The following LRRC40 variants were observed in gnomAD, a reference collection of about 807,000 sequenced individuals.
The protein encoded by LRRC40 is leucine-rich repeat-containing protein 40.
LRRC40 carries 76 observed loss-of-function variants against 72.8 expected under a neutral mutation model. The observed-to-expected ratio is 1.04, with a 90% confidence interval of 0.87 to 1.26. LRRC40 has a LOEUF of 1.26. LRRC40 is among the 50% of genes most tolerant of loss of function. LRRC40 has a pLI of 0.00. For synonymous variants in LRRC40, 243 were observed against 254.2 expected (o/e 0.96, Z 0.42); for missense variants, 684 against 698.9 (o/e 0.98, Z 0.24).
chr1:70,162,763 G>GTTAT (rs1667793289), intron 9 of LRRC40, among the ~76,000 whole-genome samples: 1 of 152,140 alleles, frequency 6.6e-6, no homozygotes, highest in African/African-American at 2.4e-5. Flanking sequence ...CTATGGCCAG[G>GTTAT]TCTATTGTAC....
intron 9 of LRRC40, among the ~76,000 whole-genome samples, chr1:70,163,515 A>T (rs1417934815): frequency 6.6e-6 from 1 of 152,082 alleles, no homozygotes; most frequent in African/African-American, 2.4e-5. Context: ...CTCACATCCT[A>T]TTACGCTGAC....
intron 11 of LRRC40, among the ~76,000 whole-genome samples, chr1:70,154,716 T>C (rs1045397192): frequency 6.6e-6 from 1 of 152,190 alleles, no homozygotes; most frequent in Admixed American, 6.5e-5. Context: ...TCATTCAACT[T>C]TCTCAATTCA....
intron 1 of LRRC40, among the ~76,000 whole-genome samples, chr1:70,197,582 C>G (rs1171630898): frequency 6.7e-6 from 1 of 150,248 alleles, no homozygotes; most frequent in Non-Finnish European, 1.5e-5. Flanking sequence ...CCTGGCCCCC[C>G]CAACCCCCGG....
chr1:70,162,455 A>G (rs558424140), intron 9 of LRRC40, among the ~76,000 whole-genome samples: 16 of 152,204 alleles, frequency 1.1e-4, no homozygotes, highest in Non-Finnish European at 2.1e-4. Flanking sequence ...CCCCAAACCT[A>G]TGAATCATGA....
At chr1:70,197,250 G>A (rs1014611638) in intron 1 of LRRC40, among the ~76,000 whole-genome samples, 20 of 150,750 alleles carry the variant, frequency 1.3e-4, no homozygotes, top group Admixed American at 6.6e-5. Context: ...ACTGGGGGGC[G>A]GCGGGGGGGA....
chr1:70,193,014 T>C lies in LRRC40; in HGVS notation c.152-3741A>G, dbSNP rs184364858. ...AATGGAATAAAACTCAATGTATCCA[T>C]TGTCTAGTTTTAATAATTATCAGCA... On this transcript the variant is annotated intron_variant, in intron 1 of 14. Transcript: ENST00000370952. Among the ~76,000 whole-genome samples, 6 of 152,190 alleles carry C rather than the reference T, an allele frequency of 3.9e-5. No individual in the cohort carries two copies. The East Asian group carries it at 9.6e-4, about 24-fold the overall frequency.
chr1:70,180,953 G>A (rs1248909199), intron 5 of LRRC40, 133 bp downstream of exon 5: 5 of 578,144 alleles, frequency 8.6e-6, no homozygotes, highest in Non-Finnish European at 1.1e-5. Context: ...AATCTGACTA[G>A]TTGCTATTGT....
intron 9 of LRRC40, among the ~76,000 whole-genome samples, chr1:70,163,090 T>G (rs1667799525): frequency 6.6e-6 from 1 of 151,418 alleles, no homozygotes; most frequent in Non-Finnish European, 1.5e-5. Context: ...TTTTTTTTTT[T>G]TTTTGAGACG....
chr1:70,187,593 A>G (rs991556313), intron 2 of LRRC40, among the ~76,000 whole-genome samples: 1 of 151,968 alleles, frequency 6.6e-6, no homozygotes, highest in East Asian at 1.9e-4. Context: ...GGGAGGCCGA[A>G]GAAGGCAAAT....
chr1:70,187,289 T>C lies in LRRC40; in HGVS notation c.383A>G (p.Glu128Gly), dbSNP rs1427880383. The C allele has an allele frequency of 6.3e-7, 1 of 1,586,326 alleles. No homozygotes were observed. Among genetic ancestry groups the C allele is most frequent in the Non-Finnish European group, 8.6e-7 (1 of 1,157,548 alleles). Residue 128 changes from glutamate (E) to glycine (G), a missense_variant, in exon 3 of 15, where the codon GAA becomes GGA. Transcript: ENST00000370952. ...CCTGACATTAAGTTTCTGAAGATTT[T>C]CTAGCTCTCTTATAGCAGAAGGAAG... ...TSLPSAIREL[E>G]NLQKLNVSHN...
chr1:70,185,056 A>T, intron 3 of LRRC40, 142 bp from the exon 4 acceptor site: 1 of 595,402 alleles, frequency 1.7e-6, no homozygotes. Context: ...CAAAATTCAT[A>T]TCCAAAAATA....
intron 1 of LRRC40, among the ~76,000 whole-genome samples, chr1:70,199,453 T>G (rs1392723583): frequency 6.6e-6 from 1 of 152,150 alleles, no homozygotes; most frequent in African/African-American, 2.4e-5. Context: ...CAATATGGGT[T>G]TGAATTGCAC....
chr1:70,173,591 T>G (rs1408662502), intron 8 of LRRC40, 31 bp downstream of exon 8: 1 of 1,504,930 alleles, frequency 6.6e-7, no homozygotes. Context: ...AATTTCAATT[T>G]AACAAAGAGC....
intron 6 of LRRC40, among the ~76,000 whole-genome samples, chr1:70,178,575 C>T (rs1668162038): frequency 6.6e-6 from 1 of 152,078 alleles, no homozygotes; most frequent in African/African-American, 2.4e-5. Context: ...ACAATTTTAG[C>T]CTCTTTATCT....
intron 1 of LRRC40, among the ~76,000 whole-genome samples, chr1:70,195,652 G>A (rs1439761988): frequency 6.6e-6 from 1 of 151,924 alleles, no homozygotes; most frequent in Non-Finnish European, 1.5e-5. Context: ...GGGTTTTTTT[G>A]AGACAGGGTC....
intron 1 of LRRC40, among the ~76,000 whole-genome samples, chr1:70,198,396 A>G (rs1668661552): frequency 6.6e-6 from 1 of 152,122 alleles, no homozygotes; most frequent in Non-Finnish European, 1.5e-5. Flanking sequence ...ATTTTTCCTC[A>G]GTTTTAGATA....
intron 1 of LRRC40, among the ~76,000 whole-genome samples, chr1:70,189,779 G>T (rs1397297885): frequency 1.3e-5 from 2 of 152,176 alleles, no homozygotes; most frequent in Non-Finnish European, 2.9e-5. Flanking sequence ...TGCAAAGTAG[G>T]TGTTATTATT....
intron 1 of LRRC40, among the ~76,000 whole-genome samples, chr1:70,195,355 G>T (rs375092326): frequency 7.2e-6 from 1 of 139,720 alleles, no homozygotes; most frequent in South Asian, 2.3e-4. Context: ...CGTTACCCAA[G>T]AATAAAAACC....
intron 11 of LRRC40, among the ~76,000 whole-genome samples, chr1:70,154,509 T>C (rs1667594509): frequency 6.6e-6 from 1 of 152,190 alleles, no homozygotes; most frequent in South Asian, 2.1e-4. Context: ...CTATCAAATA[T>C]CCTCTCAGTC....
Sources: allele counts gnomAD v4.1 joint callset (sites outside exome capture counted in the v4.1 genomes callset), GRCh38; gene constraint gnomAD v4.1.1; transcripts MANE v1.5; gene names NCBI Gene and HGNC (gene_info 2026-07-23, HGNC 2026-07-21).